USP43: variants seen among roughly 807,000 people sequenced by gnomAD.
USP43 encodes the protein ubiquitin carboxyl-terminal hydrolase 43.
Under a neutral mutation model 90.7 loss-of-function variants are expected in USP43, and 33 were observed. The ratio of observed to expected loss-of-function variants is 0.36; its 90% CI spans 0.28 to 0.49. USP43 has a LOEUF of 0.49. Among genes scored for constraint, USP43 ranks in the 20% least tolerant of loss-of-function variants. The pLI is 0.98. For synonymous variants in USP43, 598 were observed against 615.8 expected, an observed-to-expected ratio of 0.97 and a Z score of 0.43; for missense variants, 1,274 against 1,476.4, an observed-to-expected ratio of 0.86 and a Z score of 2.25.
chr17:9,652,164 C>T (rs988297496), intron 1 of USP43, among the ~76,000 whole-genome samples: 36 of 146,526 alleles, frequency 2.5e-4, no homozygotes, highest in Admixed American at 4.8e-4. Context: ...ATGGGAGGAC[C>T]GCTTGAGGCC....
chr17:9,699,253 C>T (rs1251361679), intron 9 of USP43, among the ~76,000 whole-genome samples: 1 of 152,184 alleles, frequency 6.6e-6, no homozygotes, highest in Non-Finnish European at 1.5e-5. Flanking sequence ...CATGGTTCTC[C>T]CCGTCTACAG....
At chr17:9,650,030 A>G (rs972320876) in intron 1 of USP43, among the ~76,000 whole-genome samples, 1 of 152,178 alleles carries the variant, frequency 6.6e-6, no homozygotes, top group South Asian at 2.1e-4. Flanking sequence ...TACTGGAGAC[A>G]TGGCTTTTTA....
intron 12 of USP43, among the ~76,000 whole-genome samples, chr17:9,705,206 A>G (rs1025753756): frequency 1.3e-5 from 2 of 151,306 alleles, no homozygotes; most frequent in African/African-American, 4.9e-5. Flanking sequence ...ATATTTTTCT[A>G]TATACATATA....
chr17:9,729,162 A>T lies in USP43; in HGVS notation c.*172A>T. On this transcript the variant is annotated 3_prime_UTR_variant, in exon 15 of 15. Transcript: ENST00000285199. ...TCCATATCTAGACTTCCAACACCCA[A>T]GGTCCATATAACCCAAGGTCGAAAA... The T allele has an allele frequency of 1.9e-6, 1 of 525,344 alleles. No individual in the cohort carries two copies. Among genetic ancestry groups the T allele is most frequent in the South Asian group, 5.2e-5 (1 of 19,244 alleles). The allele number at this position is 525,344 out of a possible 1,614,324, so 32.5% of individuals were successfully genotyped here.
rs1392650684 is a variant in USP43, at chr17:9,681,325, T to A, written c.1105+959T>A. 3.3e-3 allele frequency among the ~76,000 whole-genome samples: 370 copies of A among 110,822 alleles called. 2 individuals carry two copies. Among genetic ancestry groups the A allele is most frequent in the African/African-American group, 0.012 (345 of 28,330 alleles). 72.7% of individuals were successfully genotyped at this position (110,822 alleles called of 152,430 possible). A position where few individuals can be genotyped will look rare whatever the true frequency, so the allele number is the denominator to read the frequency against. On this transcript the variant is annotated intron_variant, in intron 6 of 14. Transcript: ENST00000285199. ...ATATAGATAAATATATATAAATATATATATAAATAAATATATATATAAATA... is the reference window on the plus strand; with the variant it reads ...ATATAGATAAATATATATAAATATAAATATAAATAAATATATATATAAATA...
rs1044512763 is a variant in USP43, at chr17:9,674,420, G to C, written c.741-471G>C. Among the ~76,000 whole-genome samples, 1 of 152,108 alleles carries C rather than the reference G, an allele frequency of 6.6e-6. No individual in the cohort carries two copies. The highest frequency in any genetic ancestry group is 1.5e-5 in the Non-Finnish European group (1 of 68,012). The stretch of plus-strand genomic sequence containing the variant: ...AAACCTGGTACCCAGTAAGCAGTCA[G>C]CCTCATCCTCCCTTCCCTCAGCTCC... On this transcript the variant is annotated intron_variant, in intron 3 of 14. Transcript: ENST00000285199. This position sits in a 1 kb window ranked among gnomAD's most constrained non-coding sequence, Gnocchi z 4.4.
intron 6 of USP43, among the ~76,000 whole-genome samples, chr17:9,681,137 AAT>A (rs533687859): frequency 0.038 from 4,027 of 104,870 alleles, 535 homozygotes; most frequent in African/African-American, 0.18. Context: ...TATACTATAT[AAT>A]ATATACTATA....
At chr17:9,727,011 G>A (rs1917306964) in intron 14 of USP43, among the ~76,000 whole-genome samples, 1 of 151,728 alleles carries the variant, frequency 6.6e-6, no homozygotes, top group African/African-American at 2.4e-5. Context: ...CTGTCACCCA[G>A]GCTGGAGTGC....
At chr17:9,649,281 T>C (rs932238747) in intron 1 of USP43, among the ~76,000 whole-genome samples, 2 of 152,170 alleles carry the variant, frequency 1.3e-5, no homozygotes, top group African/African-American at 4.8e-5. Context: ...TACTCTGGCC[T>C]GGGTGACAGA....
At chr17:9,665,302 TA>T (rs1912961462) in intron 2 of USP43, among the ~76,000 whole-genome samples, 1 of 152,152 alleles carries the variant, frequency 6.6e-6, no homozygotes, top group Non-Finnish European at 1.5e-5. Context: ...CACACTGCTA[TA>T]AAGGAATACC....
chr17:9,678,953 T>C (rs978588208), intron 5 of USP43, among the ~76,000 whole-genome samples: 2 of 152,140 alleles, frequency 1.3e-5, no homozygotes, highest in African/African-American at 4.8e-5. Flanking sequence ...AATCTTCCCA[T>C]GTAACACAAG....
At chr17:9,697,382 T>G (rs1162139308) in intron 9 of USP43, among the ~76,000 whole-genome samples, 1 of 152,088 alleles carries the variant, frequency 6.6e-6, no homozygotes, top group Non-Finnish European at 1.5e-5. Flanking sequence ...GGTTTTTACA[T>G]GGATATATCA....
intron 14 of USP43, among the ~76,000 whole-genome samples, chr17:9,716,566 CAG>C (rs1025458779): frequency 1.2e-4 from 18 of 152,068 alleles, no homozygotes; most frequent in Non-Finnish European, 1.5e-4. Context: ...AAAGCAAACA[CAG>C]GGGTTTGAAG....
At chr17:9,650,207 CTA>C (rs2151960474) in intron 1 of USP43, among the ~76,000 whole-genome samples, 1 of 152,212 alleles carries the variant, frequency 6.6e-6, no homozygotes, top group South Asian at 2.1e-4. Context: ...AGCTTAATTC[CTA>C]CAAATGGAAT....
chr17:9,685,235 T>C (rs1465482881), intron 7 of USP43, among the ~76,000 whole-genome samples: 2 of 152,206 alleles, frequency 1.3e-5, no homozygotes. Flanking sequence ...TCATTGGGTC[T>C]TCACACAGGC....
chr17:9,646,256 C>T, intron 1 of USP43, 120 bp downstream of exon 1: 2 of 1,261,054 alleles, frequency 1.6e-6, no homozygotes, highest in Non-Finnish European at 1.0e-6. Flanking sequence ...CCAGTTCAGC[C>T]CCGGATTACC....
intron 8 of USP43, among the ~76,000 whole-genome samples, chr17:9,688,195 G>A (rs1914707747): frequency 6.6e-6 from 1 of 151,326 alleles, no homozygotes; most frequent in Non-Finnish European, 1.5e-5. Context: ...CACTGTGTTA[G>A]CCAGGATGGT....
intron 12 of USP43, among the ~76,000 whole-genome samples, chr17:9,703,230 CAT>C (rs905410015): frequency 2.0e-5 from 3 of 151,738 alleles, no homozygotes; most frequent in Non-Finnish European, 2.9e-5. Context: ...CCCGTGCACA[CAT>C]GAGTGGTGAA....
chr17:9,700,872 G>A (rs530845202), intron 10 of USP43, among the ~76,000 whole-genome samples: 28 of 152,328 alleles, frequency 1.8e-4, no homozygotes, highest in African/African-American at 6.5e-4. Flanking sequence ...CCCTGTGCTA[G>A]GATGAGGAAA....
Sources: allele counts gnomAD v4.1 joint callset (sites outside exome capture counted in the v4.1 genomes callset), GRCh38; gene constraint gnomAD v4.1.1; non-coding constraint Gnocchi (gnomAD v3.1); transcripts MANE v1.5; gene names NCBI Gene and HGNC (gene_info 2026-07-23, HGNC 2026-07-21).